The following CD47 variants were observed in gnomAD, a reference collection of about 807,000 sequenced individuals.
CD47 encodes leukocyte surface antigen CD47.
Under a neutral mutation model 44.6 loss-of-function variants are expected in CD47, and 11 were observed. That is an observed-to-expected ratio of 0.25 (90% CI 0.16 to 0.41). The LOEUF is 0.41. Among genes scored for constraint, CD47 ranks in the 10% least tolerant of loss-of-function variants. The probability of loss-of-function intolerance (pLI) is 1.00; values close to 1 mark genes in which losing one functional copy is unlikely to be tolerated. For synonymous variants in CD47, 140 were observed against 136.3 expected (o/e 1.03, Z -0.19); for missense variants, 306 against 386.7 (o/e 0.79, Z 1.75).
In CD47 at chr3:108,045,525, A is replaced by AT. The variant is rs915054203; in HGVS notation, c.*1762dup. On this transcript the variant is annotated 3_prime_UTR_variant, in exon 11 of 11. Transcript: ENST00000361309. Reference sequence around the variant, plus strand: ...TATACATGTGTGTATATACATACGTATATATAGATATACGTATATATTTGT... The same window carrying AT: ...TATACATGTGTGTATATACATACGTATTATATAGATATACGTATATATTTGT... The AT allele has an allele frequency of 1.6e-4, 25 of 152,410 alleles. No individual in the cohort carries two copies. Among genetic ancestry groups the AT allele is most frequent in the Admixed American group, 3.9e-4 (6 of 15,238 alleles). The allele number at this position is 152,410 out of a possible 1,614,324, so 9.4% of individuals were successfully genotyped here.
At chr3:108,071,047 C>CTA (rs2079191850) in intron 3 of CD47, 46 bp downstream of exon 3, 1 of 797,278 alleles carries the variant, frequency 1.3e-6, no homozygotes, top group Admixed American at 3.1e-5. Context: ...GTAGAAATAA[C>CTA]TATATCATCA....
chr3:108,090,915 G>A lies in CD47; in HGVS notation c.-7C>T, dbSNP rs758228197. On this transcript the variant is annotated 5_prime_UTR_variant, in exon 1 of 11. Coordinates refer to ENST00000361309, the MANE Select transcript of CD47 (RefSeq NM_001777.4). ...CCGCTACCAGGGGCCACATCTCCGC[G>A]CCCGCCGCGGGGTCGCCGCCGCCGC... is the stretch of plus-strand genomic sequence containing the variant. The A allele has an allele frequency of 2.0e-6, 3 of 1,472,386 alleles. No individual in the cohort carries two copies. Among genetic ancestry groups the A allele is most frequent in the Admixed American group, 2.3e-5 (1 of 44,428 alleles). The allele number at this position is 1,472,386 out of a possible 1,614,324, so 91.2% of individuals were successfully genotyped here. A position where few individuals can be genotyped will look rare whatever the true frequency, so the allele number is the denominator to read the frequency against.
chr3:108,076,199 C>T (rs539588931), intron 2 of CD47, among the ~76,000 whole-genome samples: 17 of 152,268 alleles, frequency 1.1e-4, no homozygotes, highest in African/African-American at 3.6e-4. Flanking sequence ...TTTTAAGCTG[C>T]TATATTTGTA....
rs1301380986 is a variant in CD47, at chr3:108,057,549, G to C, written c.805C>G (p.Pro269Ala). ...CIAACIPMHG[P>A]LLISGLSILA... ...ATACTCAAACCTGAAATCAGAAGAGGGCCATGCATTGGTATACACGCTGTA... is the reference window on the plus strand; with the variant it reads ...ATACTCAAACCTGAAATCAGAAGAGCGCCATGCATTGGTATACACGCTGTA... The change falls in exon 7 of 11, where the codon CCT (proline) becomes GCT (alanine). Residue 269 changes from proline to alanine, a missense_variant. Pro to Ala is a conservative substitution (Grantham distance 27). This residue lies in a region of CD47 where 131 missense variants were observed against 135.3 expected (regional missense o/e 0.97). Transcript: ENST00000361309. The C allele has an allele frequency of 3.2e-6, 5 of 1,548,814 alleles. No individual in the cohort carries two copies. Among genetic ancestry groups the C allele is most frequent in the Non-Finnish European group, 4.5e-6 (5 of 1,121,166 alleles).
chr3:108,064,454 CAAG>C (rs2079070358), intron 3 of CD47, among the ~76,000 whole-genome samples: 1 of 152,092 alleles, frequency 6.6e-6, no homozygotes, highest in Non-Finnish European at 1.5e-5. Context: ...TATGAATGGA[CAAG>C]AAGGTTTTCT....
At chr3:108,067,613 A>T (rs2079127156) in intron 3 of CD47, among the ~76,000 whole-genome samples, 1 of 152,242 alleles carries the variant, frequency 6.6e-6, no homozygotes, top group East Asian at 1.9e-4. Flanking sequence ...AAGCGTCTGA[A>T]ATTCAATACT....
At chr3:108,055,447 C>T (rs1396177357) in intron 7 of CD47, 4 of 828,192 alleles carry the variant, frequency 4.8e-6, no homozygotes, top group Non-Finnish European at 7.1e-6. Context: ...TTTACACAGT[C>T]AGATTATATA....
intron 2 of CD47, among the ~76,000 whole-genome samples, chr3:108,076,301 T>C (rs1025158140): frequency 1.3e-5 from 2 of 152,218 alleles, no homozygotes; most frequent in Non-Finnish European, 2.9e-5. Flanking sequence ...TTGATAATAA[T>C]GGAATTGGCA....
At chr3:108,047,452 T>C (rs1261080871) in intron 10 of CD47, among the ~76,000 whole-genome samples, 160 bp from the exon 11 acceptor site, 1 of 152,240 alleles carries the variant, frequency 6.6e-6, no homozygotes, top group Non-Finnish European at 1.5e-5. Context: ...TCATTAGCCT[T>C]TTTAATTTCA....
intron 1 of CD47, among the ~76,000 whole-genome samples, chr3:108,083,106 A>G (rs1447708170): frequency 6.6e-6 from 1 of 152,090 alleles, no homozygotes; most frequent in African/African-American, 2.4e-5. Flanking sequence ...ATTAACATGA[A>G]TAAGAAAACT....
rs1337952704 is a variant in CD47 at position 108,046,620 on chromosome 3, T to C, written c.*668A>G. The C allele has an allele frequency of 6.6e-6, 1 of 152,492 alleles. No homozygotes were observed. Among genetic ancestry groups the C allele is most frequent in the African/African-American group, 2.4e-5 (1 of 41,400 alleles). 9.4% of individuals were successfully genotyped at this position (152,492 alleles called of 1,614,324 possible). On this transcript the variant is annotated 3_prime_UTR_variant, in exon 11 of 11. Coordinates refer to ENST00000361309, the MANE Select transcript of CD47 (RefSeq NM_001777.4). Reference sequence around the variant, plus strand: ...AACATATCCATCAATAAAAGTACCCTAAATCTGGGAAGGACCTGTTACACT... The same window carrying C: ...AACATATCCATCAATAAAAGTACCCCAAATCTGGGAAGGACCTGTTACACT...
intron 2 of CD47, among the ~76,000 whole-genome samples, chr3:108,079,611 G>T (rs1001732696): frequency 1.5e-5 from 2 of 135,450 alleles, no homozygotes; most frequent in African/African-American, 5.5e-5. Context: ...AAAACAGAAG[G>T]CTGAATAATT....
intron 7 of CD47, chr3:108,055,682 G>A (rs1282122557): frequency 4.1e-6 from 2 of 486,964 alleles, no homozygotes; most frequent in African/African-American, 2.0e-5. Context: ...TTAGCATATA[G>A]TATACTTATA....
At chr3:108,088,396 C>T (rs963018962) in intron 1 of CD47, among the ~76,000 whole-genome samples, 1 of 152,148 alleles carries the variant, frequency 6.6e-6, no homozygotes, top group Non-Finnish European at 1.5e-5. Flanking sequence ...GAGCAAGTGT[C>T]CTAATGGTAG....
chr3:108,044,295 A>G lies in CD47; in HGVS notation c.*2993T>C, dbSNP rs1576978303. 3 of 152,260 alleles carry G rather than the reference A, an allele frequency of 2.0e-5. No individual in the cohort carries two copies. The highest frequency in any genetic ancestry group is 3.9e-4 in the East Asian group (2 of 5,188). The allele number at this position is 152,260 out of a possible 1,614,324, so 9.4% of individuals were successfully genotyped here. A position where few individuals can be genotyped will look rare whatever the true frequency, so the allele number is the denominator to read the frequency against. ...CATCCTGAAAAAAGAAATATTTCCA[A>G]TTACGGGATAGCCCTGTTATTTTAA... On this transcript the variant is annotated 3_prime_UTR_variant, in exon 11 of 11. Transcript: ENST00000361309.
intron 7 of CD47, chr3:108,054,466 T>G (rs1055457798): frequency 5.3e-5 from 8 of 152,192 alleles, no homozygotes; most frequent in African/African-American, 1.9e-4. Context: ...GTTAATTCTC[T>G]CCAATATGGA....
At chr3:108,064,792 T>G (rs898493473) in intron 3 of CD47, among the ~76,000 whole-genome samples, 3 of 152,200 alleles carry the variant, frequency 2.0e-5, no homozygotes, top group Non-Finnish European at 4.4e-5. Flanking sequence ...GGGTTTGATT[T>G]CATTATTACA....
chr3:108,061,170 G>A (rs571133814), intron 3 of CD47, among the ~76,000 whole-genome samples: 1 of 149,792 alleles, frequency 6.7e-6, no homozygotes, highest in East Asian at 2.0e-4. Context: ...GGGGAGGGGG[G>A]ACACTGCTCT....
intron 7 of CD47, 155 bp from the exon 8 acceptor site, chr3:108,052,125 A>G: frequency 2.0e-6 from 1 of 511,768 alleles, no homozygotes; most frequent in African/African-American, 1.9e-5. Context: ...CTATTCAAAC[A>G]TGCTGAATAT....
Sources: allele counts gnomAD v4.1 joint callset (sites outside exome capture counted in the v4.1 genomes callset), GRCh38; gene constraint gnomAD v4.1.1; regional missense constraint gnomAD v4.1.1; transcripts MANE v1.5; gene names NCBI Gene and HGNC (gene_info 2026-07-23, HGNC 2026-07-21).